SGCD: variants seen among roughly 807,000 people sequenced by gnomAD.
SGCD encodes sarcoglycan delta.
In SGCD, 18 loss-of-function variants were observed where a neutral mutation model predicts 36.6. The ratio of observed to expected loss-of-function variants is 0.49; its 90% confidence interval spans 0.34 to 0.73. The LOEUF is 0.73. Among genes scored for constraint, SGCD ranks in the 30% least tolerant of loss-of-function variants. The pLI is 0.01. For synonymous variants in SGCD, 133 were observed against 130.6 expected (o/e 1.02, Z -0.12); for missense variants, 387 against 346.7 (o/e 1.12, Z -0.92).
At chr5:156,735,349 C>T (rs1387484294) in intron 7 of SGCD, among the ~76,000 whole-genome samples, 1 of 152,112 alleles carries the variant, frequency 6.6e-6, no homozygotes, top group African/African-American at 2.4e-5. Flanking sequence ...ACTAAGCCAC[C>T]CAAACAGCAC....
intron 3 of SGCD, among the ~76,000 whole-genome samples, chr5:156,142,020 G>A (rs1219967508): frequency 9.9e-5 from 15 of 152,188 alleles, no homozygotes; most frequent in Non-Finnish European, 1.5e-5. Context: ...AGTGTTGGAG[G>A]TGGGGCCTGG....
At chr5:155,980,985 G>C (rs892813776) in intron 1 of SGCD, among the ~76,000 whole-genome samples, 1 of 152,198 alleles carries the variant, frequency 6.6e-6, no homozygotes, top group African/African-American at 2.4e-5. Flanking sequence ...GTAAACTCAG[G>C]CTCAATCTGG....
intron 3 of SGCD, among the ~76,000 whole-genome samples, chr5:156,224,079 T>C (rs111948301): frequency 4.7e-4 from 72 of 152,080 alleles, no homozygotes; most frequent in African/African-American, 1.7e-3. Context: ...TCACTTACTA[T>C]AAAATGGGCA....
chr5:155,870,422 C>A (rs1755607871), exon 1 of SGCD: 1 of 152,194 alleles, frequency 6.6e-6, no homozygotes, highest in Non-Finnish European at 1.5e-5. Context: ...GATGAATTAG[C>A]AGGTAACTCT....
intron 4 of SGCD, among the ~76,000 whole-genome samples, chr5:156,563,083 G>A (rs185881273): frequency 2.3e-3 from 344 of 152,082 alleles, no homozygotes; most frequent in African/African-American, 8.2e-3. Flanking sequence ...AGGTTCAAGC[G>A]ATTCTCCTCC....
intron 2 of SGCD, among the ~76,000 whole-genome samples, chr5:156,121,561 T>A (rs1311571013): frequency 6.6e-6 from 1 of 152,006 alleles, no homozygotes; most frequent in Non-Finnish European, 1.5e-5. Flanking sequence ...AAAATGATCA[T>A]TTTTGGGAGC....
intron 4 of SGCD, among the ~76,000 whole-genome samples, chr5:156,585,046 A>G (rs1305789117): frequency 6.6e-6 from 1 of 152,200 alleles, no homozygotes; most frequent in Non-Finnish European, 1.5e-5. Context: ...CATTGAGAGA[A>G]AACAGCTAAA....
intron 7 of SGCD, among the ~76,000 whole-genome samples, chr5:156,720,650 C>A (rs958317142): frequency 6.6e-6 from 1 of 152,162 alleles, no homozygotes; most frequent in Non-Finnish European, 1.5e-5. Context: ...GGCCTGAAAT[C>A]AGGGTCATGA....
intron 1 of SGCD, among the ~76,000 whole-genome samples, chr5:155,985,359 C>T (rs1758310492): frequency 6.6e-6 from 1 of 152,142 alleles, no homozygotes; most frequent in Non-Finnish European, 1.5e-5. Context: ...TCTCCTAGAA[C>T]TCACATTCCT....
intron 1 of SGCD, among the ~76,000 whole-genome samples, chr5:155,942,340 A>ATCTATCTATCTATCTG (rs1411688359): frequency 6.6e-6 from 1 of 151,762 alleles, no homozygotes; most frequent in East Asian, 1.9e-4. Context: ...GTATGTATCT[A>ATCTATCTATCTATCTG]TCTATCTATC....
chr5:156,722,744 C>T (rs1755571493), intron 7 of SGCD, among the ~76,000 whole-genome samples: 1 of 152,188 alleles, frequency 6.6e-6, no homozygotes, highest in South Asian at 2.1e-4. Flanking sequence ...TATAAACAGC[C>T]TCAGTTATAG....
chr5:156,425,930 T>C (rs540391529), intron 3 of SGCD, among the ~76,000 whole-genome samples: 1 of 152,218 alleles, frequency 6.6e-6, no homozygotes, highest in South Asian at 2.1e-4. Context: ...ACAGTACATA[T>C]ATACCAAATA....
At chr5:156,311,751 T>TA (rs1767395071) in intron 3 of SGCD, among the ~76,000 whole-genome samples, 2 of 152,148 alleles carry the variant, frequency 1.3e-5, no homozygotes, top group Non-Finnish European at 2.9e-5. Context: ...TTTTCTTTCA[T>TA]AAAAAGTTTG....
intron 3 of SGCD, among the ~76,000 whole-genome samples, chr5:156,136,469 GCAAAT>G (rs1762460282): frequency 6.6e-6 from 1 of 152,144 alleles, no homozygotes; most frequent in African/African-American, 2.4e-5. Context: ...ATGACCACAT[GCAAAT>G]GCACATGGCC....
the SGCD span, among the ~76,000 whole-genome samples, chr5:155,824,731 A>G: frequency 1.3e-5 from 2 of 152,274 alleles, no homozygotes; most frequent in East Asian, 3.9e-4. Context: ...CCCCAGATGC[A>G]TTACTGTAGC....
At position 156,497,623 on chromosome 5, in the gene SGCD, TTCTC is replaced by T. The variant is rs375678272; in HGVS notation, c.193-10959_193-10956del. 6.6e-4 allele frequency among the ~76,000 whole-genome samples: 96 copies of T among 146,372 alleles called. 1 individual carries two copies. Among genetic ancestry groups the T allele is most frequent in the East Asian group, 4.3e-3 (21 of 4,844 alleles). ...TAGCTCTCTCACTTGTGCGCGTGCT[TTCTC>T]TCTCTCTCTCTCTCTCTCACACACA... On this transcript the variant is annotated intron_variant, in intron 3 of 8. Coordinates refer to ENST00000337851, the MANE Select transcript of SGCD (RefSeq NM_000337.6).
intron 7 of SGCD, among the ~76,000 whole-genome samples, chr5:156,742,172 G>T (rs575631501): frequency 3.9e-5 from 6 of 152,078 alleles, no homozygotes; most frequent in Non-Finnish European, 8.8e-5. Flanking sequence ...CACCGTGCCC[G>T]GCCTCAGGTT....
chr5:156,438,159 T>C (rs1175077677), intron 3 of SGCD, among the ~76,000 whole-genome samples: 6 of 152,182 alleles, frequency 3.9e-5, no homozygotes, highest in Admixed American at 2.0e-4. Context: ...TCAAGCATTT[T>C]TGGAAAACCA....
At chr5:156,652,092 A>G (rs1008781819) in intron 7 of SGCD, among the ~76,000 whole-genome samples, 10 of 152,054 alleles carry the variant, frequency 6.6e-5, no homozygotes, top group Admixed American at 6.6e-4. Context: ...TAGAAATGCT[A>G]TTGATTTTTG....
Sources: gnomAD v4.1 joint callset for allele counts (sites outside exome capture counted in the v4.1 genomes callset) on GRCh38, gnomAD v4.1.1 for gene constraint, MANE v1.5 for transcripts, NCBI Gene and HGNC (gene_info 2026-07-23, HGNC 2026-07-21) for gene names.